Variants in DNAJC5B observed in about 807,000 individuals in gnomAD.
DNAJC5B encodes DnaJ heat shock protein family (Hsp40) member C5 beta, also known as dnaJ homolog subfamily C member 5B.
A neutral mutation model predicts 24.7 loss-of-function variants in DNAJC5B; 23 were observed. The ratio of observed to expected loss-of-function variants is 0.93; its 90% CI spans 0.67 to 1.32. DNAJC5B has a LOEUF of 1.32. Among genes scored for constraint, DNAJC5B ranks in the 40% most tolerant of loss-of-function variants. DNAJC5B has a pLI of 0.00. For synonymous variants in DNAJC5B, 101 were observed against 90.1 expected, an observed-to-expected ratio of 1.12 and a Z score of -0.68; for missense variants, 238 against 240.8, an observed-to-expected ratio of 0.99 and a Z score of 0.08.
intron 3 of DNAJC5B, among the ~76,000 whole-genome samples, chr8:66,073,280 C>G (rs1807389187): frequency 6.6e-6 from 1 of 151,868 alleles, no homozygotes; most frequent in African/African-American, 2.4e-5. Flanking sequence ...TTTTAAATGT[C>G]AAAACCACAA....
At chr8:66,059,930 C>T (rs552916032) in intron 3 of DNAJC5B, among the ~76,000 whole-genome samples, 1 of 152,314 alleles carries the variant, frequency 6.6e-6, no homozygotes, top group East Asian at 1.9e-4. Context: ...AAGTCCCGAC[C>T]GCTCCTTCAG....
chr8:66,017,845 G>C (rs1805994796), upstream of DNAJC5B, among the ~76,000 whole-genome samples: 1 of 152,314 alleles, frequency 6.6e-6, no homozygotes, highest in East Asian at 1.9e-4. Flanking sequence ...TGAATGGATG[G>C]ACATAGACTA....
intron 5 of DNAJC5B, among the ~76,000 whole-genome samples, chr8:66,080,793 A>G (rs562628560): frequency 6.6e-6 from 1 of 152,320 alleles, no homozygotes; most frequent in East Asian, 1.9e-4. Context: ...CTGATGATGA[A>G]TCAAAGGAAA....
intron 1 of DNAJC5B, among the ~76,000 whole-genome samples, chr8:66,041,669 A>T (rs1806612377): frequency 6.6e-6 from 1 of 152,230 alleles, no homozygotes; most frequent in Non-Finnish European, 1.5e-5. Context: ...CAATGCTTTT[A>T]CAATACATTT....
At position 66,036,606 on chromosome 8, in the gene DNAJC5B, C is replaced by T. The variant is rs548598191; in HGVS notation, c.-141-6882C>T. Among the ~76,000 whole-genome samples the T allele has an allele frequency of 9.9e-5, 15 of 152,194 alleles. No individual in the cohort carries two copies. In the South Asian group the frequency reaches 3.1e-3, roughly 32 times the overall value. Reference sequence around the variant, plus strand: ...GACAGGCATCAGGCACATGGAAAATCAAGGTTGATTTGGGGTGAGAAATAT... The same window carrying T: ...GACAGGCATCAGGCACATGGAAAATTAAGGTTGATTTGGGGTGAGAAATAT... On this transcript the variant is annotated intron_variant, in intron 1 of 5. Transcript: ENST00000276570.
At chr8:66,045,172 GT>G (rs1563592211) in intron 2 of DNAJC5B, among the ~76,000 whole-genome samples, 1 of 152,158 alleles carries the variant, frequency 6.6e-6, no homozygotes, top group African/African-American at 2.4e-5. Context: ...TGGTCTTTTG[GT>G]TCCTTCATGT....
chr8:66,090,794 C>T (rs898115369), intron 5 of DNAJC5B, among the ~76,000 whole-genome samples: 1 of 152,182 alleles, frequency 6.6e-6, no homozygotes. Flanking sequence ...AGATTAAATT[C>T]ATCCTTCCCC....
intron 5 of DNAJC5B, among the ~76,000 whole-genome samples, chr8:66,097,797 A>G (rs1318015103): frequency 6.6e-6 from 1 of 152,108 alleles, no homozygotes; most frequent in Non-Finnish European, 1.5e-5. Flanking sequence ...TTAGCTCCAT[A>G]GTTTTAGCTT....
At chr8:66,061,187 G>T (rs1048495602) in intron 3 of DNAJC5B, among the ~76,000 whole-genome samples, 2 of 152,142 alleles carry the variant, frequency 1.3e-5, no homozygotes, top group Middle Eastern at 3.2e-3. Flanking sequence ...AGGCTAAGGT[G>T]GGAGGGTCTC....
At chr8:66,089,096 T>C (rs4263742) in intron 5 of DNAJC5B, among the ~76,000 whole-genome samples, 99,036 of 152,100 alleles carry the variant, frequency 0.65, 34,028 homozygotes, top group African/African-American at 0.88. Flanking sequence ...TTTAATTGAC[T>C]TCACAGTTCT....
chr8:66,070,597 A>G (rs1478711300), intron 3 of DNAJC5B, among the ~76,000 whole-genome samples: 2 of 152,252 alleles, frequency 1.3e-5, no homozygotes, highest in Admixed American at 6.5e-5. Flanking sequence ...GATAGGAAGA[A>G]TCAATATTGT....
intron 2 of DNAJC5B, among the ~76,000 whole-genome samples, chr8:66,050,799 G>A (rs987652959): frequency 6.6e-6 from 1 of 152,128 alleles, no homozygotes; most frequent in Non-Finnish European, 1.5e-5. Context: ...TTCAGTCCTA[G>A]GATTTGAATT....
chr8:66,040,701 C>T (rs1162515453), intron 1 of DNAJC5B, among the ~76,000 whole-genome samples: 2 of 152,168 alleles, frequency 1.3e-5, no homozygotes, highest in Non-Finnish European at 2.9e-5. Context: ...AGCCCAGCCC[C>T]ACTGAGCCAG....
intron 3 of DNAJC5B, among the ~76,000 whole-genome samples, chr8:66,074,239 G>A (rs1807413379): frequency 6.6e-6 from 1 of 152,192 alleles, no homozygotes; most frequent in Non-Finnish European, 1.5e-5. Flanking sequence ...TCAGGCCTCA[G>A]GTGACTCAGA....
intron 5 of DNAJC5B, among the ~76,000 whole-genome samples, chr8:66,099,148 G>A (rs1288628990): frequency 6.6e-6 from 1 of 152,062 alleles, no homozygotes; most frequent in East Asian, 1.9e-4. Context: ...GGCCTAGGTT[G>A]AAGGTGAGGT....
At chr8:66,036,553 C>CA (rs1806488986) in intron 1 of DNAJC5B, among the ~76,000 whole-genome samples, 1 of 152,160 alleles carries the variant, frequency 6.6e-6, no homozygotes, top group Non-Finnish European at 1.5e-5. Flanking sequence ...TTTTCCTCGG[C>CA]AGCTCTCGTC....
At chr8:66,059,001 C>T (rs1164176849) in intron 3 of DNAJC5B, among the ~76,000 whole-genome samples, 1 of 152,154 alleles carries the variant, frequency 6.6e-6, no homozygotes, top group Admixed American at 6.5e-5. Context: ...TTATCCTGCC[C>T]TTTGGTGCTG....
intron 3 of DNAJC5B, among the ~76,000 whole-genome samples, chr8:66,075,194 G>A (rs1041983703): frequency 1.3e-5 from 2 of 152,110 alleles, no homozygotes; most frequent in African/African-American, 4.8e-5. Context: ...AGCCTCCTGA[G>A]TAGATGGGAT....
chr8:66,061,030 A>G (rs1331037038), intron 3 of DNAJC5B, among the ~76,000 whole-genome samples: 1 of 152,214 alleles, frequency 6.6e-6, no homozygotes. Context: ...AGGTAGGAGT[A>G]TGCTGGAAGT....
Sources: allele counts gnomAD v4.1 joint callset (sites outside exome capture counted in the v4.1 genomes callset), GRCh38; gene constraint gnomAD v4.1.1; transcripts MANE v1.5; gene names NCBI Gene and HGNC (gene_info 2026-07-23, HGNC 2026-07-21).